The following AP3B1 variants were observed in gnomAD, a reference collection of about 807,000 sequenced individuals.
The protein encoded by AP3B1 is adaptor related protein complex 3 subunit beta 1.
AP3B1 carries 61 observed loss-of-function variants against 132.5 expected under a neutral mutation model. The ratio of observed to expected loss-of-function variants is 0.46; its 90% CI spans 0.37 to 0.57. The LOEUF (loss-of-function observed/expected upper bound fraction) is 0.57. Ranked by LOEUF, AP3B1 falls within the 20% of genes least tolerant of loss-of-function variation. AP3B1 has a pLI of 0.00. For synonymous variants in AP3B1, 388 were observed against 438.3 expected, an observed-to-expected ratio of 0.89 and a Z score of 1.43; for missense variants, 1,120 against 1,289.4, an observed-to-expected ratio of 0.87 and a Z score of 2.01.
intron 21 of AP3B1, among the ~76,000 whole-genome samples, chr5:78,099,251 C>T (rs1472919361): frequency 8.5e-5 from 13 of 152,280 alleles, no homozygotes; most frequent in South Asian, 6.2e-4. Context: ...CCCAGTCTAA[C>T]GTATTCTGTT....
intron 24 of AP3B1, among the ~76,000 whole-genome samples, chr5:78,026,920 T>C (rs1747362154): frequency 6.6e-6 from 1 of 152,230 alleles, no homozygotes; most frequent in Admixed American, 6.5e-5. Context: ...ATTTATTTTC[T>C]TGTAAATTGC....
At chr5:78,136,908 A>C (rs1294099722) in intron 15 of AP3B1, among the ~76,000 whole-genome samples, 2 of 152,208 alleles carry the variant, frequency 1.3e-5, no homozygotes. Context: ...CCCATTTTAC[A>C]GATGAGAAAA....
At chr5:78,144,829 T>TTTGTTGTTGTTG (rs5868903) in intron 14 of AP3B1, among the ~76,000 whole-genome samples, 7,824 of 140,730 alleles carry the variant, frequency 0.056, 217 homozygotes, top group African/African-American at 0.063. Flanking sequence ...TATGGGTTGT[T>TTTGTTGTTGTTG]TTGTTGTTGT....
chr5:78,122,148 C>T (rs558447378), intron 17 of AP3B1, among the ~76,000 whole-genome samples: 2 of 152,102 alleles, frequency 1.3e-5, no homozygotes, highest in African/African-American at 2.4e-5. Context: ...ATTCAACAAC[C>T]CTTCATGCTA....
At chr5:78,039,777 CA>C (rs1253462843) in intron 22 of AP3B1, among the ~76,000 whole-genome samples, 1,227 of 71,182 alleles carry the variant, frequency 0.017, 8 homozygotes, top group South Asian at 0.033. Context: ...GACTCCGTCT[CA>C]AAAAAAAAAA....
intron 26 of AP3B1, among the ~76,000 whole-genome samples, chr5:78,004,599 T>C (rs1746316965): frequency 6.6e-6 from 1 of 152,214 alleles, no homozygotes; most frequent in African/African-American, 2.4e-5. Flanking sequence ...ATTAGAATAA[T>C]GTATCCAAAC....
intron 11 of AP3B1, among the ~76,000 whole-genome samples, chr5:78,173,837 G>T (rs777569979): frequency 1.3e-5 from 2 of 151,894 alleles, no homozygotes; most frequent in Non-Finnish European, 2.9e-5. Context: ...ATGCAGATTT[G>T]GTCTTTTCCC....
intron 24 of AP3B1, among the ~76,000 whole-genome samples, chr5:78,022,267 T>C (rs1016619977): frequency 1.3e-5 from 2 of 152,074 alleles, no homozygotes; most frequent in African/African-American, 2.4e-5. Context: ...CCCTTGAAGC[T>C]CACAAGTCTA....
intron 22 of AP3B1, among the ~76,000 whole-genome samples, chr5:78,076,691 A>G (rs1254652295): frequency 6.6e-6 from 1 of 152,194 alleles, no homozygotes; most frequent in Non-Finnish European, 1.5e-5. Context: ...GAGTTCAACT[A>G]TGTGGCTAGA....
chr5:78,040,283 T>C (rs1484137884), intron 22 of AP3B1, among the ~76,000 whole-genome samples: 1 of 152,220 alleles, frequency 6.6e-6, no homozygotes, highest in Non-Finnish European at 1.5e-5. Context: ...TAATTGTCCC[T>C]ACATGAGCTA....
chr5:78,002,883 A>G lies in AP3B1; in HGVS notation c.*19T>C, dbSNP rs1398426452. ...CACTTTTGTTGTGTGCCAGATTCTA[A>G]AGTCCAGATGTAAGCAGGTTACCCC... On this transcript the variant is annotated 3_prime_UTR_variant, in exon 27 of 27. Coordinates refer to ENST00000255194, the MANE Select transcript of AP3B1 (RefSeq NM_003664.5). 1 of 1,614,194 alleles carries G rather than the reference A, an allele frequency of 6.2e-7. No homozygotes were observed. Among genetic ancestry groups the G allele is most frequent in the South Asian group, 1.1e-5 (1 of 91,082 alleles).
At position 78,054,258 on chromosome 5, in the gene AP3B1, G is replaced by A. The variant is rs16875043; in HGVS notation, c.2578-14984C>T. ...GACTGTGAGGTTACATGTTGCACAG[G>A]TTATGAATATGAACACTGCAGTTCC... On this transcript the variant is annotated intron_variant, in intron 22 of 26. Coordinates refer to ENST00000255194, the MANE Select transcript of AP3B1 (RefSeq NM_003664.5). 6.0e-3 allele frequency among the ~76,000 whole-genome samples: 917 copies of A among 152,278 alleles called. 14 individuals are homozygous for A. Among genetic ancestry groups the A allele is most frequent in the Middle Eastern group, 6.8e-3 (2 of 294 alleles).
chr5:78,146,673 C>T (rs182813264), intron 14 of AP3B1, among the ~76,000 whole-genome samples: 54 of 152,098 alleles, frequency 3.6e-4, no homozygotes, highest in Non-Finnish European at 6.0e-4. Context: ...TGTTTTGATT[C>T]GTTTTTCTTT....
chr5:78,072,558 G>C (rs1312374479), intron 22 of AP3B1, among the ~76,000 whole-genome samples: 1 of 151,896 alleles, frequency 6.6e-6, no homozygotes, highest in Non-Finnish European at 1.5e-5. Flanking sequence ...GTGTAAAGCA[G>C]ATTTTCCATA....
intron 8 of AP3B1, among the ~76,000 whole-genome samples, chr5:78,180,180 A>G (rs1744307750): frequency 6.6e-6 from 1 of 152,102 alleles, no homozygotes; most frequent in Non-Finnish European, 1.5e-5. Flanking sequence ...TGATTACTGA[A>G]TAATGATTTG....
At chr5:78,105,622 T>C (rs142497026) in intron 20 of AP3B1, among the ~76,000 whole-genome samples, 222 of 152,316 alleles carry the variant, frequency 1.5e-3, no homozygotes, top group Non-Finnish European at 2.5e-3. Context: ...CTAAAAGTAA[T>C]TTTGTTATAG....
chr5:78,211,479 A>T (rs1745734416), intron 7 of AP3B1, among the ~76,000 whole-genome samples: 1 of 152,226 alleles, frequency 6.6e-6, no homozygotes, highest in Non-Finnish European at 1.5e-5. Flanking sequence ...GCTTGTTTGT[A>T]TATGATGTGT....
chr5:78,016,655 C>T (rs563608357), intron 25 of AP3B1, among the ~76,000 whole-genome samples: 9 of 152,124 alleles, frequency 5.9e-5, no homozygotes, highest in East Asian at 5.8e-4. Context: ...AGAATCCCTA[C>T]GATTAACAGT....
intron 1 of AP3B1, among the ~76,000 whole-genome samples, chr5:78,283,449 C>T (rs989494443): frequency 2.0e-5 from 3 of 152,194 alleles, no homozygotes; most frequent in Non-Finnish European, 4.4e-5. Context: ...ACTGAATTCT[C>T]CCTTCTTAGT....
Sources: allele counts gnomAD v4.1 joint callset (sites outside exome capture counted in the v4.1 genomes callset), GRCh38; gene constraint gnomAD v4.1.1; transcripts MANE v1.5; gene names NCBI Gene and HGNC (gene_info 2026-07-23, HGNC 2026-07-21).